SYN3: variants seen among roughly 807,000 people sequenced by gnomAD.
SYN3 encodes synapsin III, also known as synapsin-3.
Under a neutral mutation model 65.8 loss-of-function variants are expected in SYN3, and 35 were observed. The ratio of observed to expected loss-of-function variants is 0.53; its 90% CI spans 0.41 to 0.70. The LOEUF (loss-of-function observed/expected upper bound fraction) is 0.70. Ranked by LOEUF, SYN3 falls within the 30% of genes least tolerant of loss-of-function variation. SYN3 has a pLI of 0.00. For synonymous variants in SYN3, 270 were observed against 292.9 expected, an observed-to-expected ratio of 0.92 and a Z score of 0.80; for missense variants, 680 against 749.0, an observed-to-expected ratio of 0.91 and a Z score of 1.08.
intron 7 of SYN3, among the ~76,000 whole-genome samples, chr22:32,547,313 G>A (rs1167176085): frequency 6.6e-6 from 1 of 151,992 alleles, no homozygotes; most frequent in African/African-American, 2.4e-5. Context: ...AATGCCATCT[G>A]TTTCCCTCTT....
At chr22:32,655,646 T>C (rs1045296251) in intron 6 of SYN3, among the ~76,000 whole-genome samples, 1 of 152,170 alleles carries the variant, frequency 6.6e-6, no homozygotes, top group Non-Finnish European at 1.5e-5. Context: ...GCATGCTTCT[T>C]ATGAGAATCT....
At chr22:32,847,303 T>G (rs1008626109) in intron 6 of SYN3, among the ~76,000 whole-genome samples, 5 of 152,198 alleles carry the variant, frequency 3.3e-5, no homozygotes, top group Admixed American at 1.3e-4. Context: ...ACCGCAATGT[T>G]AGAAACAGAG....
intron 6 of SYN3, among the ~76,000 whole-genome samples, chr22:32,749,947 G>A (rs968222446): frequency 6.6e-6 from 1 of 152,194 alleles, no homozygotes; most frequent in Non-Finnish European, 1.5e-5. Context: ...AAGTGCAGTA[G>A]GAGTCAGTGC....
intron 6 of SYN3, among the ~76,000 whole-genome samples, chr22:32,597,677 C>T (rs947162698): frequency 1.4e-4 from 22 of 152,212 alleles, no homozygotes; most frequent in African/African-American, 2.4e-5. Context: ...TGAGCGACTG[C>T]TCTGCGTCAC....
intron 6 of SYN3, among the ~76,000 whole-genome samples, chr22:32,767,924 C>T (rs1285012744): frequency 6.6e-6 from 1 of 152,192 alleles, no homozygotes; most frequent in Non-Finnish European, 1.5e-5. Flanking sequence ...GACTCAATTG[C>T]TTCTTCAACA....
intron 6 of SYN3, among the ~76,000 whole-genome samples, chr22:32,605,539 T>A (rs1394935022): frequency 1.3e-5 from 2 of 152,212 alleles, no homozygotes; most frequent in Admixed American, 6.6e-5. Flanking sequence ...TCTTGATACT[T>A]CTTCTGTGAG....
At chr22:33,046,762 G>C (rs1005867636) in intron 1 of SYN3, among the ~76,000 whole-genome samples, 2 of 146,988 alleles carry the variant, frequency 1.4e-5, no homozygotes, top group African/African-American at 5.0e-5. Context: ...AGACTAGCTT[G>C]AAGCTGGGAG....
At chr22:32,824,939 G>A (rs924247852) in intron 6 of SYN3, among the ~76,000 whole-genome samples, 16 of 152,154 alleles carry the variant, frequency 1.1e-4, no homozygotes, top group African/African-American at 3.4e-4. Flanking sequence ...TTGGGGAGGC[G>A]GCTTTGAGCA....
intron 6 of SYN3, among the ~76,000 whole-genome samples, chr22:32,649,588 G>A (rs763281263): frequency 3.9e-5 from 6 of 152,140 alleles, no homozygotes; most frequent in Non-Finnish European, 4.4e-5. Context: ...ACTACACCAC[G>A]GAAGAATGGG....
chr22:32,784,786 C>T (rs148559691), intron 6 of SYN3: 40 of 152,324 alleles, frequency 2.6e-4, no homozygotes, highest in East Asian at 1.2e-3. Flanking sequence ...AACAGCATAT[C>T]GCAGCAGGCA....
At chr22:32,570,754 G>C (rs1048564395) in intron 7 of SYN3, among the ~76,000 whole-genome samples, 1 of 152,028 alleles carries the variant, frequency 6.6e-6, no homozygotes, top group African/African-American at 2.4e-5. Context: ...GCTTGGATAG[G>C]GTTACTTACC....
At chr22:32,639,585 A>G (rs1297759535) in intron 6 of SYN3, among the ~76,000 whole-genome samples, 1 of 152,108 alleles carries the variant, frequency 6.6e-6, no homozygotes, top group East Asian at 1.9e-4. Context: ...GATGGAATGT[A>G]GTAGTGTGAT....
rs564066386 is a variant in SYN3 at position 32,873,337 on chromosome 22, C to T, written c.462-4212G>A. On this transcript the variant is annotated intron_variant, in intron 4 of 13. Coordinates refer to ENST00000358763, the MANE Select transcript of SYN3 (RefSeq NM_003490.4). ...GGCATGTACAAGGGCATAAGGTGGT[C>T]CAAAGGATGGATTCAACTCTGTTAA... 2.2e-4 allele frequency among the ~76,000 whole-genome samples: 34 copies of T among 152,110 alleles called. No individual in the cohort carries two copies. The South Asian group carries it at 7.1e-3, about 32-fold the overall frequency.
intron 6 of SYN3, among the ~76,000 whole-genome samples, chr22:32,852,537 C>T (rs1276065073): frequency 6.6e-6 from 1 of 152,146 alleles, no homozygotes; most frequent in Non-Finnish European, 1.5e-5. Flanking sequence ...AGACAGTCTA[C>T]CCTAGAGAGT....
intron 6 of SYN3, among the ~76,000 whole-genome samples, chr22:32,663,205 G>T (rs959052337): frequency 6.6e-6 from 1 of 152,056 alleles, no homozygotes; most frequent in Non-Finnish European, 1.5e-5. Context: ...TCTTGCTGCC[G>T]CCATGTAAGA....
In SYN3 at chr22:32,801,337, G is replaced by A. The variant is rs2046568170; in HGVS notation, c.711+63578C>T. Among the ~76,000 whole-genome samples the A allele has an allele frequency of 6.6e-6, 1 of 152,234 alleles. No homozygotes were observed. Among genetic ancestry groups the A allele is most frequent in the Admixed American group, 6.5e-5 (1 of 15,292 alleles). ...CACCTGTGGAAGCGGTCCTGCTGGG[G>A]TGGGTGGGTGTTAGTTGGTTCTGGT... is the stretch of plus-strand genomic sequence containing the variant. On this transcript the variant is annotated intron_variant, in intron 6 of 13. Coordinates refer to ENST00000358763, the MANE Select transcript of SYN3 (RefSeq NM_003490.4). This position sits in a 1 kb window ranked among gnomAD's most constrained non-coding sequence, Gnocchi z 4.7.
At chr22:33,001,220 C>T (rs1205005608) in intron 2 of SYN3, among the ~76,000 whole-genome samples, 1 of 152,096 alleles carries the variant, frequency 6.6e-6, no homozygotes, top group Non-Finnish European at 1.5e-5. Flanking sequence ...GGCCATAGGA[C>T]GAATGATTGA....
At chr22:32,545,471 C>G (rs1277093630) in intron 7 of SYN3, among the ~76,000 whole-genome samples, 1 of 152,120 alleles carries the variant, frequency 6.6e-6, no homozygotes, top group African/African-American at 2.4e-5. Flanking sequence ...TCTGGGAACC[C>G]TTCTCTTCTG....
intron 1 of SYN3, among the ~76,000 whole-genome samples, chr22:33,040,091 G>A (rs528430354): frequency 6.6e-4 from 100 of 150,830 alleles, no homozygotes; most frequent in African/African-American, 2.4e-3. Context: ...GTGCAGTGGC[G>A]CGATCTCGGC....
Sources: allele counts gnomAD v4.1 joint callset (sites outside exome capture counted in the v4.1 genomes callset), GRCh38; gene constraint gnomAD v4.1.1; non-coding constraint Gnocchi (gnomAD v3.1); transcripts MANE v1.5; gene names NCBI Gene and HGNC (gene_info 2026-07-23, HGNC 2026-07-21).